The following IST1 variants were observed in gnomAD, a reference collection of about 807,000 sequenced individuals.
The protein encoded by IST1 is IST1 homolog.
Under a neutral mutation model 37.0 loss-of-function variants are expected in IST1, and 23 were observed. That is an observed-to-expected ratio of 0.62 (90% CI 0.45 to 0.88). The LOEUF is 0.88. IST1 is among the 40% of genes least tolerant of loss of function. IST1 has a pLI of 0.00. For synonymous variants in IST1, 180 were observed against 161.7 expected (o/e 1.11, Z -0.86); for missense variants, 488 against 445.4 (o/e 1.10, Z -0.86).
intron 1 of IST1, among the ~76,000 whole-genome samples, chr16:71,904,763 A>G (rs151200221): frequency 1.2e-3 from 181 of 152,276 alleles, no homozygotes; most frequent in African/African-American, 3.9e-3. Context: ...CTTTACTTTT[A>G]AACTACCTAC....
At chr16:71,907,280 ATTT>A (rs769698886) in intron 1 of IST1, among the ~76,000 whole-genome samples, 3 of 125,352 alleles carry the variant, frequency 2.4e-5, no homozygotes, top group African/African-American at 8.8e-5. Context: ...TCCTTATGGG[ATTT>A]TTTTTTTTTT....
chr16:71,895,043 C>A (rs2036933607), upstream of IST1: 17 of 490,758 alleles, frequency 3.5e-5, no homozygotes, highest in South Asian at 4.1e-4. Flanking sequence ...GACACGGAGG[C>A]GCTGGGTGAA....
chr16:71,927,612 A>G lies in IST1; in HGVS notation c.902-2A>G. Reference sequence around the variant, plus strand: ...TAACGTTGTGCTCCTTGCCCTAATTAGGTCCTGGACCCAAGCCAGAAGCCT... The same window carrying G: ...TAACGTTGTGCTCCTTGCCCTAATTGGGTCCTGGACCCAAGCCAGAAGCCT... On this transcript the variant is annotated splice_acceptor_variant, in intron 9 of 9. Coordinates refer to ENST00000378799, the MANE Select transcript of IST1 (RefSeq NM_001270975.2). LOFTEE classifies it high-confidence loss of function. 6.2e-7 allele frequency: 1 copy of G among 1,610,792 alleles called. No homozygotes were observed. The highest frequency in any genetic ancestry group is 8.5e-7 in the Non-Finnish European group (1 of 1,177,068).
upstream of IST1, chr16:71,895,048 G>A (rs574634544): frequency 1.2e-5 from 6 of 490,818 alleles, no homozygotes; most frequent in African/African-American, 1.0e-4. Flanking sequence ...GGAGGCGCTG[G>A]GTGAAGAGTC....
intron 1 of IST1, among the ~76,000 whole-genome samples, chr16:71,912,176 G>A (rs1162547337): frequency 6.6e-6 from 1 of 151,974 alleles, no homozygotes; most frequent in East Asian, 1.9e-4. Flanking sequence ...TTATAGTTTA[G>A]GTAATTTTTC....
rs373252628 is a variant in IST1 at position 71,930,105 on chromosome 16, G to C, written c.*2292G>C. ...GCCATGAGAATGGCCGAAACGAAAA[G>C]ATTAATTACCACAAGTACCATCAAG... is the stretch of plus-strand genomic sequence containing the variant. On this transcript the variant is annotated 3_prime_UTR_variant, in exon 10 of 10. Transcript: ENST00000378799. 5.6e-5 allele frequency: 87 copies of C among 1,551,496 alleles called. No individual in the cohort carries two copies. Among genetic ancestry groups the C allele is most frequent in the Non-Finnish European group, 7.3e-5 (84 of 1,146,928 alleles).
Position 71,929,643 on chromosome 16 carries a change from C to T in IST1, c.*1830C>T. The T allele has an allele frequency of 6.4e-7, 1 of 1,551,648 alleles. No individual in the cohort carries two copies. The highest frequency in any genetic ancestry group is 1.2e-5 in the South Asian group (1 of 84,040). On this transcript the variant is annotated 3_prime_UTR_variant, in exon 10 of 10. Coordinates refer to ENST00000378799, the MANE Select transcript of IST1 (RefSeq NM_001270975.2). Reference sequence around the variant, plus strand: ...AACTGATTCCTAACAAATTTGAGAGCTTCTGTAGCAGTGTATCTATTAGTG... The same window carrying T: ...AACTGATTCCTAACAAATTTGAGAGTTTCTGTAGCAGTGTATCTATTAGTG...
chr16:71,907,883 G>A (rs73588120), intron 1 of IST1, among the ~76,000 whole-genome samples: 7,100 of 152,220 alleles, frequency 0.047, 525 homozygotes, highest in African/African-American at 0.16. Flanking sequence ...CTAGACTCAA[G>A]CAGTCCTCCT....
At chr16:71,895,509 T>C, upstream of IST1, 4 of 985,734 alleles carry the variant, frequency 4.1e-6, no homozygotes, top group Non-Finnish European at 4.8e-6. Context: ...GCGCTTGTTG[T>C]GCTGAGGCCG....
intron 1 of IST1, among the ~76,000 whole-genome samples, chr16:71,913,846 T>C (rs1176252339): frequency 6.6e-6 from 1 of 152,128 alleles, no homozygotes; most frequent in Non-Finnish European, 1.5e-5. Context: ...TTCACTCTTG[T>C]TGCCCAGGCT....
At chr16:71,900,326 T>A (rs9928162) in intron 1 of IST1, among the ~76,000 whole-genome samples, 1 of 118,160 alleles carries the variant, frequency 8.5e-6, no homozygotes, top group African/African-American at 2.9e-5. Flanking sequence ...CCTTAGGAAG[T>A]CTTTTTTTTT....
rs935830769 is a variant in IST1 at position 71,929,569 on chromosome 16, C to T, written c.*1756C>T. ...TAGTTCATCTAAAACTTCAGTGTCA[C>T]TGCCCACTGCTGTCGTGGCTGCTTG... On this transcript the variant is annotated 3_prime_UTR_variant, in exon 10 of 10. Coordinates refer to ENST00000378799, the MANE Select transcript of IST1 (RefSeq NM_001270975.2). 14 of 1,551,194 alleles carry T rather than the reference C, an allele frequency of 9.0e-6. No individual in the cohort carries two copies. In the South Asian group the frequency reaches 1.4e-4, roughly 16 times the overall value.
chr16:71,911,779 C>T (rs944947153), intron 1 of IST1, among the ~76,000 whole-genome samples: 1 of 144,098 alleles, frequency 6.9e-6, no homozygotes, highest in African/African-American at 2.6e-5. Context: ...TGCAGTGGCA[C>T]AGTAATGGCT....
chr16:71,900,175 A>T (rs1416894479), intron 1 of IST1, among the ~76,000 whole-genome samples: 1 of 151,364 alleles, frequency 6.6e-6, no homozygotes, highest in Non-Finnish European at 1.5e-5. Flanking sequence ...TCAAAAAAAA[A>T]AAAAAAGATC....
rs779373033 is a variant in IST1, at chr16:71,927,650, C to T, written c.938C>T (p.Pro313Leu). The T allele has an allele frequency of 2.9e-5, 46 of 1,613,808 alleles. 1 individual carries two copies. The South Asian group carries it at 4.2e-4, about 15-fold the overall frequency. Residue 313 changes from proline to leucine, a missense_variant, in exon 10 of 10, where the codon CCT becomes CTT. This residue lies in a region of IST1 where 455 missense variants were observed against 386.2 expected (regional missense o/e 1.18). Transcript: ENST00000378799. ...GPKPEASAKL[P>L]SRPADNYDNF... ...AAGCCAGAAGCCTCTGCAAAGCTTC[C>T]TTCCAGACCTGCAGATAACTATGAC...
intron 4 of IST1, among the ~76,000 whole-genome samples, chr16:71,919,339 C>A (rs951734811): frequency 1.0e-5 from 1 of 97,928 alleles, no homozygotes; most frequent in African/African-American, 2.9e-5. Flanking sequence ...CTGCTGTTTT[C>A]TTTTCCTGGA....
In IST1 at chr16:71,916,419, A is replaced by G. The variant is rs114834525; in HGVS notation, c.89-43A>G. 628 of 1,596,130 alleles carry G rather than the reference A, an allele frequency of 3.9e-4. 2 individuals are homozygous for G. In the African/African-American group the frequency reaches 7.7e-3, roughly 20 times the overall value. ...GAGATTGGCCTGTAGGCCAGATGCAAGTGCTCTACTGCTGTGAGATCGGAG... is the reference window on the plus strand; with the variant it reads ...GAGATTGGCCTGTAGGCCAGATGCAGGTGCTCTACTGCTGTGAGATCGGAG... On this transcript the variant is annotated intron_variant, in intron 2 of 9. Coordinates refer to ENST00000378799, the MANE Select transcript of IST1 (RefSeq NM_001270975.2).
chr16:71,920,459 TTAATG>T (rs1417139303), intron 4 of IST1, among the ~76,000 whole-genome samples: 2 of 152,226 alleles, frequency 1.3e-5, no homozygotes, highest in East Asian at 3.8e-4. Flanking sequence ...TACAATTTGA[TTAATG>T]TAAGACTCTA....
upstream of IST1, chr16:71,894,918 T>G: frequency 2.5e-6 from 3 of 1,198,950 alleles, no homozygotes; most frequent in Admixed American, 4.0e-5. Context: ...CGCCAGAGAC[T>G]GTGGTGCTGA....
Sources: gnomAD v4.1 joint callset for allele counts (sites outside exome capture counted in the v4.1 genomes callset) on GRCh38, gnomAD v4.1.1 for gene constraint, gnomAD v4.1.1 regional missense constraint, MANE v1.5 for transcripts, NCBI Gene and HGNC (gene_info 2026-07-23, HGNC 2026-07-21) for gene names.